The following RIMS2 variants were observed in gnomAD, a reference collection of about 807,000 sequenced individuals.
RIMS2 encodes regulating synaptic membrane exocytosis protein 2.
In RIMS2, 59 loss-of-function variants were observed where a neutral mutation model predicts 174.4. The ratio of observed to expected loss-of-function variants is 0.34; its 90% CI spans 0.27 to 0.42. The LOEUF (loss-of-function observed/expected upper bound fraction) is 0.42, where lower values mean the gene tolerates loss of function less well. Ranked by LOEUF, RIMS2 falls within the 10% of genes least tolerant of loss-of-function variation. RIMS2 has a pLI of 1.00. For missense variants in RIMS2, 1,620 were observed against 1,666.3 expected, an observed-to-expected ratio of 0.97 and a Z score of 0.48; for synonymous variants, 606 against 572.5, an observed-to-expected ratio of 1.06 and a Z score of -0.84.
At chr8:103,523,513 G>C (rs975088963) in intron 1 of RIMS2, among the ~76,000 whole-genome samples, 1 of 152,132 alleles carries the variant, frequency 6.6e-6, no homozygotes, top group Non-Finnish European at 1.5e-5. Flanking sequence ...GGACCAGTAG[G>C]TTGGGGCAGG....
At chr8:103,782,962 C>T (rs1382147268) in intron 3 of RIMS2, among the ~76,000 whole-genome samples, 1 of 152,162 alleles carries the variant, frequency 6.6e-6, no homozygotes, top group Non-Finnish European at 1.5e-5. Context: ...CTTATAAAAA[C>T]ATACTTTTTA....
intron 19 of RIMS2, among the ~76,000 whole-genome samples, chr8:104,058,161 T>A (rs1202200008): frequency 2.0e-5 from 3 of 149,838 alleles, no homozygotes; most frequent in Non-Finnish European, 4.4e-5. Flanking sequence ...TCCACAATGG[T>A]TGAACTAGTT....
intron 19 of RIMS2, among the ~76,000 whole-genome samples, chr8:104,062,184 T>C (rs1196865324): frequency 6.6e-6 from 1 of 152,118 alleles, no homozygotes; most frequent in East Asian, 1.9e-4. Flanking sequence ...GGCGGGCAGA[T>C]CATGAGGTCA....
chr8:103,780,477 T>G (rs1741838163), intron 3 of RIMS2, among the ~76,000 whole-genome samples: 1 of 152,182 alleles, frequency 6.6e-6, no homozygotes, highest in African/African-American at 2.4e-5. Flanking sequence ...CAAATGCTTG[T>G]CTTCAAGCTC....
At chr8:104,225,543 T>C (rs554787687) in intron 19 of RIMS2, among the ~76,000 whole-genome samples, 3 of 152,362 alleles carry the variant, frequency 2.0e-5, no homozygotes, top group African/African-American at 7.2e-5. Flanking sequence ...CCTTTTTCTT[T>C]AAATTATGAT....
chr8:103,547,452 T>C (rs192849619), intron 1 of RIMS2, among the ~76,000 whole-genome samples: 2 of 152,300 alleles, frequency 1.3e-5, no homozygotes, highest in East Asian at 3.9e-4. Context: ...AGAAATTCTT[T>C]GAAACTAATA....
At chr8:104,143,402 T>C (rs2133707798) in intron 19 of RIMS2, among the ~76,000 whole-genome samples, 1 of 152,330 alleles carries the variant, frequency 6.6e-6, no homozygotes, top group South Asian at 2.1e-4. Flanking sequence ...GCTGTTTTTT[T>C]TCCTGCAAAG....
At chr8:104,107,959 T>C (rs1392105244) in intron 19 of RIMS2, among the ~76,000 whole-genome samples, 1 of 129,404 alleles carries the variant, frequency 7.7e-6, no homozygotes, top group Admixed American at 8.4e-5. Flanking sequence ...CCAGGTGGTC[T>C]TTCCCCTGCC....
At chr8:104,068,074 A>T (rs983011258) in intron 19 of RIMS2, among the ~76,000 whole-genome samples, 1 of 152,212 alleles carries the variant, frequency 6.6e-6, no homozygotes, top group Non-Finnish European at 1.5e-5. Context: ...TAATTTTATG[A>T]TAACAGTTTC....
chr8:103,668,653 G>GATTT (rs139537432), intron 1 of RIMS2, among the ~76,000 whole-genome samples: 3,118 of 149,160 alleles, frequency 0.021, 57 homozygotes, highest in African/African-American at 0.046. Context: ...GAGTATAGAC[G>GATTT]ATTTATTTAT....
At chr8:104,058,125 A>G (rs1327131025) in intron 19 of RIMS2, among the ~76,000 whole-genome samples, 2 of 148,682 alleles carry the variant, frequency 1.3e-5, no homozygotes, top group Non-Finnish European at 3.0e-5. Flanking sequence ...CTAGTTCTAG[A>G]TCCCTGAGGA....
intron 1 of RIMS2, among the ~76,000 whole-genome samples, chr8:103,653,875 T>C (rs1315838456): frequency 3.3e-5 from 5 of 152,132 alleles, no homozygotes; most frequent in Admixed American, 2.0e-4. Flanking sequence ...TCTTGCCTAC[T>C]GTTTTATTCT....
intron 1 of RIMS2, among the ~76,000 whole-genome samples, chr8:103,671,964 A>C (rs1019025253): frequency 6.6e-6 from 1 of 152,214 alleles, no homozygotes; most frequent in African/African-American, 2.4e-5. Context: ...ATTCCAAAGT[A>C]GTTTGAGGTC....
At chr8:103,994,050 CAAA>C (rs536495624) in intron 17 of RIMS2, among the ~76,000 whole-genome samples, 21 of 88,276 alleles carry the variant, frequency 2.4e-4, no homozygotes, top group Non-Finnish European at 3.3e-4. Flanking sequence ...GACCCTGTCT[CAAA>C]AAAAAAAAAA....
intron 1 of RIMS2, among the ~76,000 whole-genome samples, chr8:103,512,982 T>A (rs1827274807): frequency 3.3e-5 from 5 of 152,178 alleles, no homozygotes; most frequent in African/African-American, 1.2e-4. Flanking sequence ...TAGACTTTTA[T>A]TTTGAAATTT....
intron 3 of RIMS2, among the ~76,000 whole-genome samples, chr8:103,794,856 A>C (rs1452250390): frequency 1.3e-5 from 2 of 152,254 alleles, no homozygotes; most frequent in Non-Finnish European, 1.5e-5. Flanking sequence ...ACTGGCCATC[A>C]GAGAAATGCA....
In RIMS2 at chr8:104,169,317, TATATATATATATATATATATATAA is replaced by T. The variant is rs1402364735; in HGVS notation, c.3335-75597_3335-75574del. ...TTTTGTTGTTGGCTATATATATATA[TATATATATATATATATATATATAA>T]AACAGATTCAATCTCATTACTTGTT... is the stretch of plus-strand genomic sequence containing the variant. On this transcript the variant is annotated intron_variant, in intron 19 of 23. Transcript: ENST00000504942. 6.7e-5 allele frequency among the ~76,000 whole-genome samples: 4 copies of T among 59,898 alleles called. No homozygotes were observed. In the East Asian group the frequency reaches 3.6e-3, roughly 54 times the overall value. The allele number at this position is 59,898 out of a possible 152,430, so 39.3% of individuals were successfully genotyped here. A position where few individuals can be genotyped will look rare whatever the true frequency, so the allele number is the denominator to read the frequency against.
chr8:103,504,846 C>CTTTTTTTTTTTTTTTTTTT (rs11367763), intron 1 of RIMS2, among the ~76,000 whole-genome samples: 2 of 95,094 alleles, frequency 2.1e-5, no homozygotes, highest in Non-Finnish European at 3.9e-5. Context: ...TTCTTTCTTT[C>CTTTTTTTTTTTTTTTTTTT]TTTTTTTTTT....
At chr8:104,224,402 T>C (rs1563854514) in intron 19 of RIMS2, among the ~76,000 whole-genome samples, 2 of 152,242 alleles carry the variant, frequency 1.3e-5, no homozygotes, top group Admixed American at 6.5e-5. Flanking sequence ...TTTCACCAGT[T>C]GATTTGGAGT....
Sources: gnomAD v4.1 joint callset for allele counts (sites outside exome capture counted in the v4.1 genomes callset) on GRCh38, gnomAD v4.1.1 for gene constraint, MANE v1.5 for transcripts, NCBI Gene and HGNC (gene_info 2026-07-23, HGNC 2026-07-21) for gene names.